GLI2: variants seen among roughly 807,000 people sequenced by gnomAD.
The protein encoded by GLI2 is GLI family zinc finger 2, also known as transcription activator GLI2.
A neutral mutation model predicts 78.9 loss-of-function variants in GLI2; 22 were observed. The observed-to-expected ratio is 0.28, with a 90% CI of 0.20 to 0.40. The LOEUF (loss-of-function observed/expected upper bound fraction) is 0.40. GLI2 is among the 10% of genes least tolerant of loss of function. The probability of loss-of-function intolerance (pLI) is 1.00; values close to 1 mark genes in which losing one functional copy is unlikely to be tolerated. For missense variants in GLI2, 2,097 were observed against 2,213.2 expected (o/e 0.95, Z 1.05); for synonymous variants, 974 against 963.7 (o/e 1.01, Z -0.20).
chr2:120,975,461 T>C (rs1682412383), intron 9 of GLI2, among the ~76,000 whole-genome samples: 1 of 152,010 alleles, frequency 6.6e-6, no homozygotes, highest in Admixed American at 6.6e-5. Context: ...AGATTCCTAA[T>C]AGCCAGTGCA....
chr2:120,773,724 G>GGCAGGCA (rs1165570493), intron 1 of GLI2, among the ~76,000 whole-genome samples: 17 of 152,238 alleles, frequency 1.1e-4, no homozygotes, highest in Admixed American at 9.2e-4. Context: ...GGTGGCAGGT[G>GGCAGGCA]GCAGGCAGCA....
chr2:120,749,923 C>T lies in GLI2; in HGVS notation c.-31+13638C>T, dbSNP rs900207598. Among the ~76,000 whole-genome samples the T allele has an allele frequency of 2.6e-5, 4 of 152,228 alleles. No homozygotes were observed. In the East Asian group the frequency reaches 5.8e-4, roughly 22 times the overall value. ...CAGCCTGATGCAGTCAGTATTATCA[C>T]TAGCATTTTACAGATGCCACTGAGA... On this transcript the variant is annotated intron_variant, in intron 1 of 13. Coordinates refer to ENST00000361492, the MANE Select transcript of GLI2 (RefSeq NM_001374353.1).
chr2:120,933,344 C>T (rs1573626303), intron 3 of GLI2, among the ~76,000 whole-genome samples: 1 of 152,176 alleles, frequency 6.6e-6, no homozygotes, highest in Admixed American at 6.5e-5. Flanking sequence ...ACCACCCACC[C>T]GTGGACTCCT....
Position 120,968,918 on chromosome 2 carries a change from G to A in GLI2, c.845+3G>A, listed in dbSNP as rs752782993. The A allele has an allele frequency of 3.1e-6, 5 of 1,608,222 alleles. No individual in the cohort carries two copies. Among genetic ancestry groups the A allele is most frequent in the South Asian group, 2.2e-5 (2 of 91,034 alleles). ...CATCTGTCAGCGGGTGCCCTCAGGT[G>A]AGCCCCGCCTGCAAGCAGAGAGCTG... On this transcript the variant is annotated splice_donor_region_variant and intron_variant, in intron 6 of 13. Coordinates refer to ENST00000361492, the MANE Select transcript of GLI2 (RefSeq NM_001374353.1).
rs186607997 is a variant in GLI2, at chr2:120,855,170, A to G, written c.148+57702A>G. On this transcript the variant is annotated intron_variant, in intron 2 of 13. Coordinates refer to ENST00000361492, the MANE Select transcript of GLI2 (RefSeq NM_001374353.1). ...CACAGAAATAAACAATTTGCCGATG[A>G]TCAGGGAAGAGGCTACAGGAAGGAG... 1.2e-4 allele frequency among the ~76,000 whole-genome samples: 18 copies of G among 152,372 alleles called. No individual in the cohort carries two copies. In the East Asian group the frequency reaches 3.3e-3, roughly 28 times the overall value.
At chr2:120,911,468 C>A (rs1678814728) in intron 2 of GLI2, among the ~76,000 whole-genome samples, 1 of 152,194 alleles carries the variant, frequency 6.6e-6, no homozygotes, top group African/African-American at 2.4e-5. Context: ...CTAGAAACTG[C>A]TCTGTCTCCT....
At chr2:120,789,056 G>C (rs1208397139) in intron 1 of GLI2, among the ~76,000 whole-genome samples, 3 of 133,066 alleles carry the variant, frequency 2.3e-5, no homozygotes, top group Non-Finnish European at 4.6e-5. Context: ...TTTTTGAGAC[G>C]GAGTCTCACT....
chr2:120,786,082 C>G (rs537993115), intron 1 of GLI2, among the ~76,000 whole-genome samples: 203 of 152,280 alleles, frequency 1.3e-3, no homozygotes, highest in Non-Finnish European at 2.4e-3. Flanking sequence ...AAGGCAGCCT[C>G]ACAATCCCAG....
At chr2:120,922,983 C>A (rs556887162) in intron 2 of GLI2, among the ~76,000 whole-genome samples, 11 of 152,232 alleles carry the variant, frequency 7.2e-5, no homozygotes, top group Non-Finnish European at 1.5e-4. Flanking sequence ...TCTGTGGGAA[C>A]CCTCCCCAGG....
At chr2:120,747,327 C>T (rs985252648) in intron 1 of GLI2, among the ~76,000 whole-genome samples, 33 of 152,146 alleles carry the variant, frequency 2.2e-4, no homozygotes, top group African/African-American at 8.0e-4. Context: ...CAAAATAGGG[C>T]CTCAATTTGC....
At position 120,988,485 on chromosome 2, in the gene GLI2, C is replaced by T. The variant is rs1167305218; in HGVS notation, c.2520C>T (p.Pro840=). The T allele has an allele frequency of 3.2e-6, 5 of 1,555,668 alleles. No homozygotes were observed. The African/African-American group carries it at 5.6e-5, about 17-fold the overall frequency. The part of the protein sequence containing the change: ...HNASSADSYD[P]ISTDASRRSS... Reference sequence around the variant, plus strand: ...CGAGCTCCGCTGACTCCTACGACCCCATCTCCACGGACGCGTCGCGGCGCT... The same window carrying T: ...CGAGCTCCGCTGACTCCTACGACCCTATCTCCACGGACGCGTCGCGGCGCT... The change falls in exon 14 of 14, where the codon CCC becomes CCT. Residue 840 remains proline, a synonymous_variant. Coordinates refer to ENST00000361492, the MANE Select transcript of GLI2 (RefSeq NM_001374353.1).
chr2:120,850,966 T>A (rs1687378870), intron 2 of GLI2, among the ~76,000 whole-genome samples: 2 of 152,168 alleles, frequency 1.3e-5, no homozygotes, highest in African/African-American at 4.8e-5. Context: ...GCAGGAACAT[T>A]TTTTCAAAGT....
intron 11 of GLI2, among the ~76,000 whole-genome samples, chr2:120,983,946 G>GGGTGTGTGTGTGTGTGTGT: frequency 7.0e-6 from 1 of 143,212 alleles, no homozygotes; most frequent in East Asian, 2.1e-4. Flanking sequence ...TGGTGTGTGG[G>GGGTGTGTGTGTGTGTGTGT]GTGTGTGTGT....
intron 2 of GLI2, among the ~76,000 whole-genome samples, chr2:120,905,069 T>A (rs1678454222): frequency 6.6e-6 from 1 of 152,236 alleles, no homozygotes; most frequent in Non-Finnish European, 1.5e-5. Context: ...CACAGGGCAC[T>A]TATCTCATAA....
chr2:120,801,048 C>T (rs1429444219), intron 2 of GLI2, among the ~76,000 whole-genome samples: 1 of 152,188 alleles, frequency 6.6e-6, no homozygotes, highest in Non-Finnish European at 1.5e-5. Flanking sequence ...GTCACCAGTT[C>T]CGAGAGCTTC....
intron 2 of GLI2, among the ~76,000 whole-genome samples, chr2:120,817,261 C>T (rs948087280): frequency 6.6e-6 from 1 of 152,212 alleles, no homozygotes; most frequent in Non-Finnish European, 1.5e-5. Context: ...GTCAGCTTGG[C>T]GAAGTGGCCT....
chr2:120,976,127 T>G (rs1037045631), intron 9 of GLI2, among the ~76,000 whole-genome samples: 1 of 152,192 alleles, frequency 6.6e-6, no homozygotes, highest in East Asian at 1.9e-4. Flanking sequence ...TCTATAAAGA[T>G]GAACCCACTA....
chr2:120,741,569 T>TGTCTTTTCTC (rs1256254399), intron 1 of GLI2, among the ~76,000 whole-genome samples: 4 of 151,842 alleles, frequency 2.6e-5, no homozygotes, highest in African/African-American at 9.7e-5. Flanking sequence ...CTCTCTTTTC[T>TGTCTTTTCTC]GTCTTTTCTC....
At chr2:120,805,256 C>G (rs1684893223) in intron 2 of GLI2, among the ~76,000 whole-genome samples, 1 of 152,254 alleles carries the variant, frequency 6.6e-6, no homozygotes, top group Admixed American at 6.5e-5. Context: ...GGAGGCTCTC[C>G]TGGCCCCTGC....
Sources: allele counts gnomAD v4.1 joint callset (sites outside exome capture counted in the v4.1 genomes callset), GRCh38; gene constraint gnomAD v4.1.1; transcripts MANE v1.5; gene names NCBI Gene and HGNC (gene_info 2026-07-23, HGNC 2026-07-21).